DSCAM: variants seen among roughly 807,000 people sequenced by gnomAD.
The protein encoded by DSCAM is cell adhesion molecule DSCAM.
In DSCAM, 47 loss-of-function variants were observed where a neutral mutation model predicts 217.7. The ratio of observed to expected loss-of-function variants is 0.22; its 90% CI spans 0.17 to 0.28. DSCAM has a LOEUF of 0.28. Ranked by LOEUF, DSCAM falls within the 10% of genes least tolerant of loss-of-function variation. The pLI, the probability that DSCAM is intolerant of heterozygous loss-of-function variation, is 1.00. For synonymous variants in DSCAM, 1,056 were observed against 1,015.3 expected, an observed-to-expected ratio of 1.04 and a Z score of -0.76; for missense variants, 2,080 against 2,618.3, an observed-to-expected ratio of 0.79 and a Z score of 4.49.
At chr21:40,535,961 G>A (rs1426780461) in intron 3 of DSCAM, among the ~76,000 whole-genome samples, 1 of 152,222 alleles carries the variant, frequency 6.6e-6, no homozygotes, top group Non-Finnish European at 1.5e-5. Context: ...CAAGAAGCTG[G>A]AGGTAAGTGC....
intron 11 of DSCAM, among the ~76,000 whole-genome samples, chr21:40,266,829 G>C (rs2073543815): frequency 7.1e-6 from 1 of 139,982 alleles, no homozygotes; most frequent in African/African-American, 2.7e-5. Flanking sequence ...CACACATCGT[G>C]AAGTACTACT....
rs1434243139 is a variant in DSCAM, at chr21:40,080,172, T to C, written c.4400A>G (p.Glu1467Gly). ...CCTACCTTTTCCTAAGGTCTTTGCT[T>C]CTATGATTTCACTTATGCGCCCTGG... ...VGPGRISEII[E>G]AKTLGKEPQF... The change falls in exon 25 of 33, where the codon GAA becomes GGA. Residue 1467 changes from glutamate to glycine, a missense_variant. Physicochemically the swap from Glu to Gly is moderately conservative, Grantham distance 98. Coordinates refer to ENST00000400454, the MANE Select transcript of DSCAM (RefSeq NM_001389.5). 6.4e-7 allele frequency: 1 copy of C among 1,574,628 alleles called. No homozygotes were observed. Among genetic ancestry groups the C allele is most frequent in the Admixed American group, 1.8e-5 (1 of 54,450 alleles).
chr21:40,675,926 CAT>C (rs1468674888), intron 3 of DSCAM, among the ~76,000 whole-genome samples: 3 of 152,186 alleles, frequency 2.0e-5, no homozygotes, highest in Non-Finnish European at 4.4e-5. Flanking sequence ...TACAAGAACA[CAT>C]ATACTCTATA....
intron 3 of DSCAM, among the ~76,000 whole-genome samples, chr21:40,394,614 C>T (rs1238356148): frequency 6.6e-6 from 1 of 152,168 alleles, no homozygotes; most frequent in South Asian, 2.1e-4. Flanking sequence ...AGTGGAAATG[C>T]AATATTGAGC....
At chr21:40,658,463 A>C (rs2090100211) in intron 3 of DSCAM, among the ~76,000 whole-genome samples, 1 of 152,236 alleles carries the variant, frequency 6.6e-6, no homozygotes, top group Non-Finnish European at 1.5e-5. Flanking sequence ...AACTGAGCCA[A>C]ACTGACACTC....
rs572775708 is a variant in DSCAM, at chr21:40,085,411, GA to G, written c.4132+190del. ...TGTATCTCAGTATTTCTGAGGTTGT[GA>G]ATGCTTTGTATTTTCTTTGATTTGT... On this transcript the variant is annotated intron_variant, in intron 23 of 32. Coordinates refer to ENST00000400454, the MANE Select transcript of DSCAM (RefSeq NM_001389.5). Among the ~76,000 whole-genome samples, 755 of 152,276 alleles carry G rather than the reference GA, an allele frequency of 5.0e-3. 4 individuals carry two copies. Among genetic ancestry groups the G allele is most frequent in the Non-Finnish European group, 7.2e-3 (490 of 68,022 alleles).
intron 20 of DSCAM, among the ~76,000 whole-genome samples, chr21:40,121,526 A>C (rs971452624): frequency 6.6e-6 from 1 of 152,012 alleles, no homozygotes; most frequent in African/African-American, 2.4e-5. Flanking sequence ...AACACTTTCT[A>C]GGTATTATCT....
intron 3 of DSCAM, among the ~76,000 whole-genome samples, chr21:40,647,844 C>T (rs1226053917): frequency 6.6e-6 from 1 of 152,146 alleles, no homozygotes; most frequent in Admixed American, 6.5e-5. Flanking sequence ...AAATAAGACA[C>T]CCAACAGCAT....
intron 3 of DSCAM, among the ~76,000 whole-genome samples, chr21:40,624,990 T>C (rs1191622465): frequency 6.6e-6 from 1 of 152,222 alleles, no homozygotes; most frequent in Non-Finnish European, 1.5e-5. Context: ...AGTTGCTGTG[T>C]TGACATAAAT....
chr21:40,278,342 A>C (rs1160761946), intron 10 of DSCAM, among the ~76,000 whole-genome samples: 1 of 152,220 alleles, frequency 6.6e-6, no homozygotes, highest in Admixed American at 6.5e-5. Flanking sequence ...TAAATTTAGC[A>C]GGTCATACAG....
intron 19 of DSCAM, among the ~76,000 whole-genome samples, chr21:40,130,667 G>A (rs1280579904): frequency 6.6e-6 from 1 of 152,176 alleles, no homozygotes; most frequent in African/African-American, 2.4e-5. Context: ...CTGAGATTAT[G>A]ACCACAGACA....
intron 3 of DSCAM, among the ~76,000 whole-genome samples, chr21:40,488,745 T>C (rs2076050745): frequency 6.6e-6 from 1 of 152,212 alleles, no homozygotes; most frequent in Admixed American, 6.5e-5. Context: ...TTTCCAATTA[T>C]TGTGCCCCTT....
chr21:40,071,486 C>A (rs1257551132), intron 27 of DSCAM, among the ~76,000 whole-genome samples: 1 of 152,158 alleles, frequency 6.6e-6, no homozygotes, highest in Non-Finnish European at 1.5e-5. Flanking sequence ...GTAAAACATA[C>A]TCAGCTTATA....
intron 1 of DSCAM, among the ~76,000 whole-genome samples, chr21:40,739,657 C>T (rs966534853): frequency 1.3e-5 from 2 of 152,170 alleles, no homozygotes; most frequent in African/African-American, 4.8e-5. Context: ...AATCCAGTCA[C>T]ATCCCGAGGT....
chr21:40,377,321 C>T (rs187010637), intron 3 of DSCAM, among the ~76,000 whole-genome samples: 39 of 152,182 alleles, frequency 2.6e-4, no homozygotes, highest in Non-Finnish European at 4.3e-4. Context: ...CATGCCCTCA[C>T]GCAAATCGCT....
At position 40,538,986 on chromosome 21, in the gene DSCAM, G is replaced by A. The variant is rs537152714; in HGVS notation, c.508+153824C>T. ...TGAAGAGAAAAACGTGTCCTTTAGA[G>A]GATGAAAAGAAACCCAGACAGAGAC... On this transcript the variant is annotated intron_variant, in intron 3 of 32. Transcript: ENST00000400454. Among the ~76,000 whole-genome samples, 15 of 152,274 alleles carry A rather than the reference G, an allele frequency of 9.9e-5. No individual in the cohort carries two copies. In the South Asian group the frequency reaches 3.1e-3, roughly 32 times the overall value.
intron 1 of DSCAM, among the ~76,000 whole-genome samples, chr21:40,753,908 C>G (rs912450236): frequency 8.5e-5 from 13 of 152,246 alleles, no homozygotes; most frequent in African/African-American, 3.1e-4. Context: ...GGTTCTGCAG[C>G]TGGCTGGCTT....
intron 26 of DSCAM, among the ~76,000 whole-genome samples, chr21:40,076,493 A>G (rs1188067576): frequency 3.3e-5 from 5 of 152,212 alleles, no homozygotes; most frequent in African/African-American, 1.2e-4. Context: ...GACTGGTCCA[A>G]AGAAATCTGT....
At chr21:40,508,936 C>G in intron 3 of DSCAM, among the ~76,000 whole-genome samples, 1 of 150,792 alleles carries the variant, frequency 6.6e-6, no homozygotes, top group Admixed American at 6.6e-5. Flanking sequence ...TGTGTCCAGC[C>G]AGAAAAACAA....
Sources: gnomAD v4.1 joint callset for allele counts (sites outside exome capture counted in the v4.1 genomes callset) on GRCh38, gnomAD v4.1.1 for gene constraint, MANE v1.5 for transcripts, NCBI Gene and HGNC (gene_info 2026-07-23, HGNC 2026-07-21) for gene names.